The following RARB variants were observed in gnomAD, a reference collection of about 807,000 sequenced individuals.
RARB encodes HBV-activated protein.
In RARB, 17 loss-of-function variants were observed where a neutral mutation model predicts 51.9. The observed-to-expected ratio is 0.33, with a 90% confidence interval of 0.22 to 0.49. The LOEUF (loss-of-function observed/expected upper bound fraction) is 0.49. RARB is among the 20% of genes least tolerant of loss of function. RARB has a pLI of 0.99. For synonymous variants in RARB, 215 were observed against 195.4 expected (o/e 1.10, Z -0.84); for missense variants, 369 against 550.8 (o/e 0.67, Z 3.30).
intron 2 of RARB, among the ~76,000 whole-genome samples, chr3:24,862,312 A>C (rs940555579): frequency 1.3e-5 from 2 of 152,182 alleles, no homozygotes; most frequent in African/African-American, 4.8e-5. Context: ...TAAGGTAGCG[A>C]ATTATATGAT....
intron 5 of RARB, among the ~76,000 whole-genome samples, chr3:25,593,234 A>C (rs1238510497): frequency 6.6e-6 from 1 of 151,440 alleles, no homozygotes; most frequent in East Asian, 1.9e-4. Context: ...GTAAATGTTT[A>C]TTTGAGTCAA....
chr3:25,369,137 A>G (rs1029446121), intron 5 of RARB, among the ~76,000 whole-genome samples: 2 of 152,218 alleles, frequency 1.3e-5, no homozygotes, highest in Non-Finnish European at 2.9e-5. Flanking sequence ...TTTAATAAAC[A>G]TCTATGTGGT....
At chr3:25,362,401 C>A (rs1705970713) in intron 5 of RARB, among the ~76,000 whole-genome samples, 1 of 152,202 alleles carries the variant, frequency 6.6e-6, no homozygotes, top group South Asian at 2.1e-4. Context: ...TACTCTCATT[C>A]CAGTGGATTT....
At chr3:25,432,778 A>ATTCTTTGTTCTTT in intron 1 of RARB, among the ~76,000 whole-genome samples, 1 of 152,174 alleles carries the variant, frequency 6.6e-6, no homozygotes, top group South Asian at 2.1e-4. Context: ...AAAGATTATA[A>ATTCTTTGTTCTTT]ATTCTACTCT....
chr3:25,294,067 G>C (rs994436921), intron 5 of RARB, among the ~76,000 whole-genome samples: 1 of 152,134 alleles, frequency 6.6e-6, no homozygotes. Context: ...AGGATTCACC[G>C]AGGAAAATGC....
At chr3:24,881,652 TCCAGAAGACAATGGAG>T (rs1703169197) in intron 2 of RARB, among the ~76,000 whole-genome samples, 2 of 152,156 alleles carry the variant, frequency 1.3e-5, no homozygotes, top group Admixed American at 1.3e-4. Flanking sequence ...GTTACTGGAA[TCCAGAAGACAATGGAG>T]CACAAAACCT....
At chr3:25,419,608 A>G (rs896360030) in intron 5 of RARB, among the ~76,000 whole-genome samples, 3 of 152,180 alleles carry the variant, frequency 2.0e-5, no homozygotes, top group African/African-American at 7.2e-5. Flanking sequence ...TGTAGTGTGC[A>G]GAATGAAAAC....
chr3:25,152,251 G>A (rs1381132348), intron 4 of RARB, among the ~76,000 whole-genome samples: 1 of 152,076 alleles, frequency 6.6e-6, no homozygotes, highest in African/African-American at 2.4e-5. Context: ...TTGAATTGCT[G>A]TGCTTTCAAC....
chr3:25,090,568 G>C (rs896220559), intron 3 of RARB, among the ~76,000 whole-genome samples: 1 of 152,070 alleles, frequency 6.6e-6, no homozygotes, highest in Non-Finnish European at 1.5e-5. Context: ...GTCTGATGCT[G>C]TCATATAATG....
chr3:24,929,738 C>A (rs1168146148), intron 2 of RARB, among the ~76,000 whole-genome samples: 1 of 152,052 alleles, frequency 6.6e-6, no homozygotes, highest in East Asian at 1.9e-4. Flanking sequence ...CCTAGCACTT[C>A]TAGAGGGAGC....
At chr3:25,454,696 A>AT (rs1694816946) in intron 1 of RARB, among the ~76,000 whole-genome samples, 1 of 152,032 alleles carries the variant, frequency 6.6e-6, no homozygotes, top group African/African-American at 2.4e-5. Flanking sequence ...AAAAAAAAAA[A>AT]AGTATACTGA....
chr3:24,944,697 C>T (rs192832995), intron 2 of RARB, among the ~76,000 whole-genome samples: 130 of 152,232 alleles, frequency 8.5e-4, no homozygotes, highest in African/African-American at 2.9e-3. Flanking sequence ...TGAGTTTCCT[C>T]GGGTGACTTG....
chr3:25,215,941 T>A (rs1701824585), intron 5 of RARB, among the ~76,000 whole-genome samples: 1 of 152,160 alleles, frequency 6.6e-6, no homozygotes, highest in Non-Finnish European at 1.5e-5. Flanking sequence ...AACTTTAGAA[T>A]TTTCATTTCA....
chr3:24,894,810 G>A (rs1703447168), intron 2 of RARB, among the ~76,000 whole-genome samples: 1 of 152,176 alleles, frequency 6.6e-6, no homozygotes, highest in Non-Finnish European at 1.5e-5. Flanking sequence ...AAATGAAGAA[G>A]ATGTAGTACT....
At position 25,174,641 on chromosome 3, in the gene RARB, G is replaced by A; in HGVS notation, c.178+66G>A. On this transcript the variant is annotated intron_variant, in intron 5 of 11. Coordinates refer to the RARB transcript ENST00000383772. Reference sequence around the variant, plus strand: ...TTGGATGAAGGGACCTGAGAAAACGGAATGGTTGGTATCCAGGGCAATTTC... The same window carrying A: ...TTGGATGAAGGGACCTGAGAAAACGAAATGGTTGGTATCCAGGGCAATTTC... 5.4e-6 allele frequency: 7 copies of A among 1,300,632 alleles called. No homozygotes were observed. The South Asian group carries it at 8.2e-5, about 15-fold the overall frequency. The allele number at this position is 1,300,632 out of a possible 1,614,324, so 80.6% of individuals were successfully genotyped here.
intron 1 of RARB, among the ~76,000 whole-genome samples, chr3:24,836,245 C>T (rs915770033): frequency 3.3e-5 from 5 of 152,140 alleles, no homozygotes; most frequent in Non-Finnish European, 7.4e-5. Flanking sequence ...GGAATTAGGT[C>T]TGTAATTATT....
intron 5 of RARB, among the ~76,000 whole-genome samples, chr3:25,236,147 A>G (rs888701618): frequency 6.6e-6 from 1 of 152,286 alleles, no homozygotes; most frequent in African/African-American, 2.4e-5. Flanking sequence ...AGCTCATTGT[A>G]TAAATGAATA....
intron 2 of RARB, among the ~76,000 whole-genome samples, chr3:24,889,266 C>G (rs949531200): frequency 5.3e-5 from 8 of 152,252 alleles, no homozygotes; most frequent in Non-Finnish European, 1.0e-4. Context: ...CTTTCCTTGA[C>G]TAAGTCATCC....
chr3:25,425,471 ATAAT>A (rs1158986059), upstream of RARB, among the ~76,000 whole-genome samples: 1 of 152,238 alleles, frequency 6.6e-6, no homozygotes, highest in South Asian at 2.1e-4. Flanking sequence ...TGCTATCAGC[ATAAT>A]TAATTCATGA....
Sources: allele counts gnomAD v4.1 joint callset (sites outside exome capture counted in the v4.1 genomes callset), GRCh38; gene constraint gnomAD v4.1.1; transcripts MANE v1.5; gene names NCBI Gene and HGNC (gene_info 2026-07-23, HGNC 2026-07-21).